CCKAR: variants seen among roughly 807,000 people sequenced by gnomAD.
The protein encoded by CCKAR is cholecystokinin A receptor, also known as cholecystokinin receptor type A.
CCKAR carries 21 observed loss-of-function variants against 29.8 expected under a neutral mutation model. The ratio of observed to expected loss-of-function variants is 0.70; its 90% CI spans 0.50 to 1.01. CCKAR has a LOEUF of 1.01. Ranked by LOEUF, CCKAR falls within the 50% of genes least tolerant of loss-of-function variation. The probability of loss-of-function intolerance (pLI) is 0.00; values close to 1 mark genes in which losing one functional copy is unlikely to be tolerated. For synonymous variants in CCKAR, 238 were observed against 221.3 expected, an observed-to-expected ratio of 1.08 and a Z score of -0.67; for missense variants, 570 against 560.6, an observed-to-expected ratio of 1.02 and a Z score of -0.17.
At position 26,485,809 on chromosome 4, in the gene CCKAR, A is replaced by G. The variant is rs114922909; in HGVS notation, c.454T>C (p.Trp152Arg). The change falls in exon 3 of 5, where the codon TGG (tryptophan) becomes CGG (arginine). Residue 152 changes from tryptophan (W) to arginine (R), a missense_variant. Physicochemically the swap from Trp to Arg is moderately radical, Grantham distance 101. Coordinates refer to ENST00000295589, the MANE Select transcript of CCKAR (RefSeq NM_000730.3). ...AICKPLQSRV[W>R]QTKSHALKVI... ...TTCAAAGCATGGGATTTTGTCTGCC[A>G]GACCCGGGACTGTAAGGGTTTGCAA... The G allele has an allele frequency of 1.2e-4, 193 of 1,614,138 alleles. No homozygotes were observed. The African/African-American group carries it at 2.2e-3, about 19-fold the overall frequency.
intron 3 of CCKAR, among the ~76,000 whole-genome samples, chr4:26,484,092 A>ACAT (rs1737400617): frequency 3.3e-5 from 5 of 152,158 alleles, no homozygotes; most frequent in African/African-American, 1.2e-4. Context: ...CTTTTTCTAA[A>ACAT]CATCTTTGAT....
In CCKAR at chr4:26,481,530, C is replaced by G. The variant is rs1737343114; in HGVS notation, c.*108G>C. On this transcript the variant is annotated 3_prime_UTR_variant, in exon 5 of 5. Coordinates refer to ENST00000295589, the MANE Select transcript of CCKAR (RefSeq NM_000730.3). ...TGAAGAGTTCCCACTGGAGATGGAGCCTTCCTTCTCCATCAGCTCTGCTCC... is the reference window on the plus strand; with the variant it reads ...TGAAGAGTTCCCACTGGAGATGGAGGCTTCCTTCTCCATCAGCTCTGCTCC... 3 of 1,196,046 alleles carry G rather than the reference C, an allele frequency of 2.5e-6. No homozygotes were observed. Among genetic ancestry groups the G allele is most frequent in the Non-Finnish European group, 3.6e-6 (3 of 824,434 alleles). The allele number at this position is 1,196,046 out of a possible 1,614,324, so 74.1% of individuals were successfully genotyped here. A position where few individuals can be genotyped will look rare whatever the true frequency, so the allele number is the denominator to read the frequency against.
chr4:26,489,354 G>A lies in CCKAR; in HGVS notation c.243C>T (p.Leu81=), dbSNP rs1737509107. 6.2e-7 allele frequency: 1 copy of A among 1,614,194 alleles called. No individual in the cohort carries two copies. Among genetic ancestry groups the A allele is most frequent in the African/African-American group, 1.3e-5 (1 of 75,056 alleles). The part of the protein sequence containing the change: ...RMRTVTNIFL[L]SLAVSDLMLC... ...GCATGAGGTCGCTGACAGCCAGGGAGAGGAGGAAGATGTTGGTGACCGTCC... is the reference window on the plus strand; with the variant it reads ...GCATGAGGTCGCTGACAGCCAGGGAAAGGAGGAAGATGTTGGTGACCGTCC... Residue 81 remains leucine, a synonymous_variant, in exon 2 of 5, where the codon CTC becomes CTT. Transcript: ENST00000295589.
At chr4:26,483,307 A>G in intron 3 of CCKAR, 24 bp from the exon 4 acceptor site, 1 of 1,610,284 alleles carries the variant, frequency 6.2e-7, no homozygotes, top group Non-Finnish European at 8.5e-7. Flanking sequence ...AAGAAATCCA[A>G]TAACCAGCAA....
rs756030960 is a variant in CCKAR at position 26,482,060 on chromosome 4, TG to T, written c.864del (p.Ser289AlafsTer17). On this transcript the variant is annotated frameshift_variant, in exon 5 of 5. Transcript: ENST00000295589. LOFTEE classifies it high-confidence loss of function. Reference protein sequence around the residue: ...RKLELRQLSTGSSSRANRIRS... With the variant: ...RKLELRQLSTXSSSRANRIRS... ...CGGATGCGGTTGGCCCTGCTGCTGC[TG>T]CCGGTGGACAGCTGCCGGAGCTCCA... 9 of 1,614,244 alleles carry T rather than the reference TG, an allele frequency of 5.6e-6. No individual in the cohort carries two copies. Among genetic ancestry groups the T allele is most frequent in the Non-Finnish European group, 7.6e-6 (9 of 1,180,042 alleles).
At position 26,481,540 on chromosome 4, in the gene CCKAR, C is replaced by T; in HGVS notation, c.*98G>A. Reference sequence around the variant, plus strand: ...CCACTGGAGATGGAGCCTTCCTTCTCCATCAGCTCTGCTCCTTCTCTTCCT... The same window carrying T: ...CCACTGGAGATGGAGCCTTCCTTCTTCATCAGCTCTGCTCCTTCTCTTCCT... On this transcript the variant is annotated 3_prime_UTR_variant, in exon 5 of 5. Coordinates refer to ENST00000295589, the MANE Select transcript of CCKAR (RefSeq NM_000730.3). The T allele has an allele frequency of 7.6e-7, 1 of 1,313,618 alleles. No individual in the cohort carries two copies. The highest frequency in any genetic ancestry group is 1.1e-6 in the Non-Finnish European group (1 of 924,716). The allele number at this position is 1,313,618 out of a possible 1,614,324, so 81.4% of individuals were successfully genotyped here. A position where few individuals can be genotyped will look rare whatever the true frequency, so the allele number is the denominator to read the frequency against.
chr4:26,489,463 A>ATC lies in CCKAR; in HGVS notation c.132_133dup (p.Ile45ArgfsTer7). ...CAGGAATATCAAGGAGTACAAGAGA[A>ATC]TCTGCACCGCTGGCTGCCACTCTGC... On this transcript the variant is annotated frameshift_variant, in exon 2 of 5. Transcript: ENST00000295589. LOFTEE classifies it high-confidence loss of function. 1 of 1,613,814 alleles carries ATC rather than the reference A, an allele frequency of 6.2e-7. No individual in the cohort carries two copies. Among genetic ancestry groups the ATC allele is most frequent in the Admixed American group, 1.7e-5 (1 of 60,018 alleles).
chr4:26,483,879 G>A (rs1278340187), intron 3 of CCKAR, among the ~76,000 whole-genome samples: 2 of 152,146 alleles, frequency 1.3e-5, no homozygotes, highest in East Asian at 1.9e-4. Flanking sequence ...TAAGCATCAC[G>A]GTATACCATT....
In CCKAR at chr4:26,481,677, G is replaced by T; in HGVS notation, c.1248C>A (p.Phe416Leu). The change falls in exon 5 of 5, where the codon TTC becomes TTA. Residue 416 changes from phenylalanine to leucine, a missense_variant. Transcript: ENST00000295589. ...GGTTGASLSR[F>L]SYSHMSASVP... ...CCGAGGCACTCATATGGCTGTACGA[G>T]AACCTGGACAGAGAGGCTCCTGTGG... The T allele has an allele frequency of 1.2e-6, 2 of 1,614,194 alleles. No homozygotes were observed. The highest frequency in any genetic ancestry group is 1.7e-6 in the Non-Finnish European group (2 of 1,180,040).
rs1304042581 is a variant in CCKAR, at chr4:26,482,127, G to A, written c.798C>T (p.Ser266=). 6.2e-6 allele frequency: 10 copies of A among 1,613,538 alleles called. No homozygotes were observed. The highest frequency in any genetic ancestry group is 2.2e-5 in the South Asian group (2 of 91,044). ...TGGTCTTTTGCAGGTAACACCCATCGCTGTCCTCATATTTGCCGCTGCTGG... is the reference window on the plus strand; with the variant it reads ...TGGTCTTTTGCAGGTAACACCCATCACTGTCCTCATATTTGCCGCTGCTGG... The part of the protein sequence containing the change: ...STTSSGKYED[S]DGCYLQKTRP... Residue 266 remains serine (S), a synonymous_variant, in exon 5 of 5, where the codon AGC becomes AGT. Transcript: ENST00000295589.
At chr4:26,488,668 G>A (rs936260303) in intron 2 of CCKAR, among the ~76,000 whole-genome samples, 1 of 152,082 alleles carries the variant, frequency 6.6e-6, no homozygotes, top group African/African-American at 2.4e-5. Context: ...CTCTCTTTCT[G>A]CCAGAGATGG....
chr4:26,484,461 T>G (rs1310816002), intron 3 of CCKAR, among the ~76,000 whole-genome samples: 2 of 152,180 alleles, frequency 1.3e-5, no homozygotes, highest in Non-Finnish European at 2.9e-5. Context: ...TAGCCTTTTT[T>G]ATAATGACAT....
rs138802609 is a variant in CCKAR at position 26,485,721 on chromosome 4, T to C, written c.542A>G (p.Asn181Ser). 2 of 1,614,018 alleles carry C rather than the reference T, an allele frequency of 1.2e-6. No homozygotes were observed. The highest frequency in any genetic ancestry group is 2.7e-5 in the African/African-American group (2 of 74,890). Residue 181 changes from asparagine to serine, a missense_variant, in exon 3 of 5, where the codon AAC becomes AGC. Asn to Ser is a conservative substitution (Grantham distance 46). Coordinates refer to ENST00000295589, the MANE Select transcript of CCKAR (RefSeq NM_000730.3). ...TIMTPYPIYS[N>S]LVPFTKNNNQ... Reference sequence around the variant, plus strand: ...GTTATTTTTGGTAAAAGGCACCAAGTTGCTATAAATGGGGTACGGAGTCAT... The same window carrying C: ...GTTATTTTTGGTAAAAGGCACCAAGCTGCTATAAATGGGGTACGGAGTCAT...
rs374938268 is a variant in CCKAR, at chr4:26,489,309, C to T, written c.288G>A (p.Pro96=). 3.7e-6 allele frequency: 6 copies of T among 1,614,110 alleles called. No homozygotes were observed. In the South Asian group the frequency reaches 4.4e-5, roughly 12 times the overall value. The part of the protein sequence containing the change: ...SDLMLCLFCM[P]FNLIPNLLKD... ...TGAGCAGATTGGGGATGAGGTTGAA[C>T]GGCATGCAGAAGAGACAGAGCATGA... The change falls in exon 2 of 5, where the codon CCG becomes CCA. Residue 96 remains proline (P), a synonymous_variant. Transcript: ENST00000295589.
chr4:26,485,673 C>A lies in CCKAR; in HGVS notation c.590G>T (p.Arg197Leu). The change falls in exon 3 of 5, where the codon CGC (arginine) becomes CTC (leucine). Residue 197 changes from arginine (R) to leucine (L), a missense_variant. Transcript: ENST00000295589. ...KNNNQTANMC[R>L]FLLPNDVMQQ... ...CATAACATCATTTGGCAGTAGAAAG[C>A]GGCACATATTCGCGGTCTGGTTGTT... is the stretch of plus-strand genomic sequence containing the variant. The A allele has an allele frequency of 6.2e-7, 1 of 1,614,112 alleles. No homozygotes were observed. The highest frequency in any genetic ancestry group is 1.6e-4 in the Middle Eastern group (1 of 6,062).
chr4:26,489,098 G>A, intron 2 of CCKAR, 135 bp downstream of exon 2: 1 of 1,122,612 alleles, frequency 8.9e-7, no homozygotes, highest in Non-Finnish European at 1.3e-6. Flanking sequence ...CGTGCACACA[G>A]CCATGCACAG....
Position 26,489,343 on chromosome 4 carries a change from A to G in CCKAR, c.254T>C (p.Val85Ala). 1.2e-6 allele frequency: 2 copies of G among 1,614,198 alleles called. No homozygotes were observed. The highest frequency in any genetic ancestry group is 1.7e-6 in the Non-Finnish European group (2 of 1,180,040). The change falls in exon 2 of 5, where the codon GTC becomes GCC. Residue 85 changes from valine to alanine, a missense_variant. Coordinates refer to ENST00000295589, the MANE Select transcript of CCKAR (RefSeq NM_000730.3). ...GAAGAGACAGAGCATGAGGTCGCTG[A>G]CAGCCAGGGAGAGGAGGAAGATGTT... ...VTNIFLLSLAVSDLMLCLFCM... is the reference protein window; with the variant it reads ...VTNIFLLSLAASDLMLCLFCM...
chr4:26,484,020 A>G (rs1354502100), intron 3 of CCKAR, among the ~76,000 whole-genome samples: 3 of 152,324 alleles, frequency 2.0e-5, no homozygotes, highest in Admixed American at 6.5e-5. Context: ...TCCATTCTCC[A>G]TGACCCTGTG....
chr4:26,483,324 AC>A, intron 3 of CCKAR, 41 bp from the exon 4 acceptor site: 1 of 1,602,900 alleles, frequency 6.2e-7, no homozygotes, highest in South Asian at 1.1e-5. Flanking sequence ...GCAACTTTAG[AC>A]CTTCAAACTC....
Sources: gnomAD v4.1 joint callset for allele counts (sites outside exome capture counted in the v4.1 genomes callset) on GRCh38, gnomAD v4.1.1 for gene constraint, MANE v1.5 for transcripts, NCBI Gene and HGNC (gene_info 2026-07-23, HGNC 2026-07-21) for gene names.